Variants in GABRA3 observed in about 807,000 individuals in gnomAD.
GABRA3 encodes gamma-aminobutyric acid receptor subunit alpha-3.
A neutral mutation model predicts 30.1 loss-of-function variants in GABRA3; 10 were observed. The ratio of observed to expected loss-of-function variants is 0.33; its 90% CI spans 0.20 to 0.56. The LOEUF (loss-of-function observed/expected upper bound fraction) is 0.56. Among genes scored for constraint, GABRA3 ranks in the 20% least tolerant of loss-of-function variants. GABRA3 has a pLI of 0.89. For synonymous variants in GABRA3, 151 were observed against 146.8 expected (o/e 1.03, Z -0.21); for missense variants, 233 against 392.0 (o/e 0.59, Z 3.42).
chrX:152,441,394 C>A (rs769005854), intron 1 of GABRA3, among the ~76,000 whole-genome samples: 1 of 111,647 alleles, frequency 9.0e-6, no homozygotes, highest in East Asian at 2.8e-4. Context: ...AAATCTCTGT[C>A]AAAAGGATGT....
chrX:152,410,271 T>C (rs1930037419), intron 1 of GABRA3, among the ~76,000 whole-genome samples: 2 of 111,505 alleles, frequency 1.8e-5, no homozygotes, highest in South Asian at 7.5e-4. Flanking sequence ...AGCACAAATA[T>C]ACAGTTAGAA....
chrX:152,391,771 C>T (rs964805236), intron 1 of GABRA3, among the ~76,000 whole-genome samples: 4 of 111,594 alleles, frequency 3.6e-5, no homozygotes, highest in Admixed American at 9.6e-5. Flanking sequence ...TAACATCAGA[C>T]GACCATGCTG....
chrX:152,192,966 T>A (rs1306746358), intron 8 of GABRA3, among the ~76,000 whole-genome samples: 1 of 112,142 alleles, frequency 8.9e-6, no homozygotes, highest in Non-Finnish European at 1.9e-5. Flanking sequence ...TTGAATACAC[T>A]GTTTTGGTTC....
chrX:152,210,450 AC>A (rs1255493124), intron 6 of GABRA3, among the ~76,000 whole-genome samples: 2 of 111,764 alleles, frequency 1.8e-5, no homozygotes, highest in Non-Finnish European at 3.8e-5. Context: ...ATTACTGGCA[AC>A]TGATACTATA....
At chrX:152,450,647 A>T (rs1931197720) in intron 1 of GABRA3, among the ~76,000 whole-genome samples, 1 of 110,646 alleles carries the variant, frequency 9.0e-6, no homozygotes, top group Non-Finnish European at 1.9e-5. Flanking sequence ...GCTGCAAGGT[A>T]CCCTCCTTCT....
At chrX:152,183,027 T>C (rs995778432) in intron 9 of GABRA3, among the ~76,000 whole-genome samples, 1 of 107,662 alleles carries the variant, frequency 9.3e-6, no homozygotes, top group Non-Finnish European at 1.9e-5. Flanking sequence ...AATTTTCTTT[T>C]CTTGTAGTGT....
intron 9 of GABRA3, among the ~76,000 whole-genome samples, chrX:152,169,356 T>C (rs144084858): frequency 0.016 from 1,780 of 112,455 alleles, 29 homozygotes; most frequent in African/African-American, 0.054. Context: ...CTCTCTGACA[T>C]AGCAAAGGCA....
intron 1 of GABRA3, among the ~76,000 whole-genome samples, chrX:152,437,892 C>T (rs970782128): frequency 1.8e-5 from 2 of 111,486 alleles, no homozygotes; most frequent in African/African-American, 3.3e-5. Context: ...CAGTAAAATA[C>T]AAAACCAAAA....
chrX:152,261,704 T>C (rs1052576454), intron 4 of GABRA3, among the ~76,000 whole-genome samples: 3 of 111,922 alleles, frequency 2.7e-5, no homozygotes, highest in African/African-American at 9.8e-5. Context: ...CTCCCAGTTG[T>C]TTTCATGGGC....
intron 1 of GABRA3, among the ~76,000 whole-genome samples, chrX:152,424,605 A>ACTT (rs1165886676): frequency 4.5e-5 from 5 of 111,115 alleles, no homozygotes; most frequent in Non-Finnish European, 9.4e-5. Context: ...CATAGGCAAA[A>ACTT]CTTAACATTG....
At chrX:152,262,698 A>G (rs2124419359) in intron 4 of GABRA3, among the ~76,000 whole-genome samples, 1 of 111,520 alleles carries the variant, frequency 9.0e-6, no homozygotes, top group Non-Finnish European at 1.9e-5. Context: ...CCTGTTTCTG[A>G]GCCCTCTAAG....
chrX:152,337,736 G>T (rs1020159955), intron 3 of GABRA3, among the ~76,000 whole-genome samples: 1 of 111,502 alleles, frequency 9.0e-6, no homozygotes, highest in African/African-American at 3.3e-5. Context: ...GGAAGATCCC[G>T]TGAGCCCAGG....
chrX:152,433,462 A>G (rs762062165), intron 1 of GABRA3, among the ~76,000 whole-genome samples: 1 of 109,817 alleles, frequency 9.1e-6, no homozygotes, highest in Admixed American at 9.9e-5. Flanking sequence ...TCAATTAGAA[A>G]ATATAATAGA....
At chrX:152,262,150 G>T (rs1938741331) in intron 4 of GABRA3, among the ~76,000 whole-genome samples, 1 of 112,372 alleles carries the variant, frequency 8.9e-6, no homozygotes, top group Non-Finnish European at 1.9e-5. Flanking sequence ...TCCCCAGGCT[G>T]CATGGAGCAG....
At chrX:152,254,892 G>A (rs1938612221) in intron 5 of GABRA3, among the ~76,000 whole-genome samples, 1 of 111,824 alleles carries the variant, frequency 8.9e-6, no homozygotes, top group African/African-American at 3.2e-5. Flanking sequence ...GGAGGAACAA[G>A]CAAATTCATA....
At chrX:152,183,106 A>G (rs1204072865) in intron 9 of GABRA3, among the ~76,000 whole-genome samples, 1 of 108,699 alleles carries the variant, frequency 9.2e-6, no homozygotes, top group East Asian at 2.9e-4. Context: ...TCCCTTTTCA[A>G]TTTTTTGGAA....
intron 5 of GABRA3, among the ~76,000 whole-genome samples, chrX:152,245,166 GA>G (rs1938443529): frequency 9.1e-6 from 1 of 110,154 alleles, no homozygotes; most frequent in East Asian, 2.9e-4. Context: ...GAGCCATACC[GA>G]AAGCAATCTG....
At chrX:152,168,715 T>C (rs111595396) in intron 9 of GABRA3, 152 bp from the exon 10 acceptor site, 199 of 456,636 alleles carry the variant, frequency 4.4e-4, no homozygotes, top group African/African-American at 3.9e-3. Context: ...AGTAACCAGG[T>C]TTGTGTCAAG....
At chrX:152,381,576 C>T (rs938068410) in intron 1 of GABRA3, among the ~76,000 whole-genome samples, 6 of 111,183 alleles carry the variant, frequency 5.4e-5, no homozygotes, top group African/African-American at 2.0e-4. Context: ...ATTATGTATA[C>T]TTTAAGTTCT....
Sources: allele counts gnomAD v4.1 joint callset (sites outside exome capture counted in the v4.1 genomes callset), GRCh38; gene constraint gnomAD v4.1.1; transcripts MANE v1.5; gene names NCBI Gene and HGNC (gene_info 2026-07-23, HGNC 2026-07-21).